FRMD4B: variants seen among roughly 807,000 people sequenced by gnomAD.
The protein encoded by FRMD4B is FERM domain-containing protein 4B.
In FRMD4B, 74 loss-of-function variants were observed where a neutral mutation model predicts 141.5. The ratio of observed to expected loss-of-function variants is 0.52; its 90% CI spans 0.43 to 0.63. The LOEUF is 0.63. Ranked by LOEUF, FRMD4B falls within the 30% of genes least tolerant of loss-of-function variation. The pLI, the probability that FRMD4B is intolerant of heterozygous loss-of-function variation, is 0.00. For synonymous variants in FRMD4B, 506 were observed against 467.9 expected, an observed-to-expected ratio of 1.08 and a Z score of -1.05; for missense variants, 1,366 against 1,253.4, an observed-to-expected ratio of 1.09 and a Z score of -1.36.
chr3:69,186,054 A>C lies in FRMD4B; in HGVS notation c.1919+1716T>G, dbSNP rs73114355. 2.1e-3 allele frequency among the ~76,000 whole-genome samples: 320 copies of C among 151,836 alleles called. 3 individuals carry two copies. The highest frequency in any genetic ancestry group is 7.0e-3 in the African/African-American group (292 of 41,428). On this transcript the variant is annotated intron_variant, in intron 19 of 22. Transcript: ENST00000398540. ...AAGACTCTGTCTCAAAAAAAAAAAA[A>C]AGTAAGTGCTCAATAGAAATGTTAT...
chr3:69,226,197 A>C (rs1350131571), intron 7 of FRMD4B, among the ~76,000 whole-genome samples: 1 of 152,204 alleles, frequency 6.6e-6, no homozygotes, highest in Non-Finnish European at 1.5e-5. Context: ...CAGGAAATAA[A>C]AAGTCACTTG....
chr3:69,213,981 T>C (rs75977521), intron 11 of FRMD4B, among the ~76,000 whole-genome samples: 3,397 of 152,088 alleles, frequency 0.022, 50 homozygotes, highest in Non-Finnish European at 0.032. Context: ...CTCGGCCTTA[T>C]CAATAATTTC....
chr3:69,209,427 G>T (rs1420899023), intron 11 of FRMD4B, among the ~76,000 whole-genome samples: 1 of 152,216 alleles, frequency 6.6e-6, no homozygotes, highest in African/African-American at 2.4e-5. Flanking sequence ...AAAGTATGGT[G>T]TGGAGGGGAA....
chr3:69,231,976 A>T (rs1430899441), intron 7 of FRMD4B, among the ~76,000 whole-genome samples: 2 of 152,162 alleles, frequency 1.3e-5, no homozygotes, highest in African/African-American at 2.4e-5. Context: ...CGGAGCTTGT[A>T]GGAGCAGCCA....
chr3:69,540,613 T>TAAAAAAAAAAA (rs1157655761), intron 1 of FRMD4B, among the ~76,000 whole-genome samples: 4 of 14,008 alleles, frequency 2.9e-4, no homozygotes, highest in African/African-American at 1.1e-3. Flanking sequence ...ACTCTGTCTC[T>TAAAAAAAAAAA]AAAAAAAAAA....
chr3:69,540,613 T>TA (rs1157655761), intron 1 of FRMD4B, among the ~76,000 whole-genome samples: 2,555 of 14,018 alleles, frequency 0.18, 655 homozygotes, highest in Middle Eastern at 0.25. Flanking sequence ...ACTCTGTCTC[T>TA]AAAAAAAAAA....
chr3:69,381,916 C>T (rs1704128728), intron 1 of FRMD4B, among the ~76,000 whole-genome samples: 2 of 152,194 alleles, frequency 1.3e-5, no homozygotes, highest in Admixed American at 1.3e-4. Context: ...AGAAATGGGT[C>T]CCTTCCCCTC....
chr3:69,538,052 T>C (rs1407798781), intron 1 of FRMD4B, among the ~76,000 whole-genome samples: 2 of 152,222 alleles, frequency 1.3e-5, no homozygotes, highest in Admixed American at 1.3e-4. Flanking sequence ...TTTTGAAACT[T>C]TTTGTTCAAC....
At chr3:69,512,391 A>T (rs1463388402) in intron 1 of FRMD4B, among the ~76,000 whole-genome samples, 6 of 152,244 alleles carry the variant, frequency 3.9e-5, no homozygotes, top group Admixed American at 3.3e-4. Flanking sequence ...TGGTAAAGCT[A>T]AAGTATTCAT....
chr3:69,412,738 T>G (rs1430037502), intron 2 of FRMD4B, among the ~76,000 whole-genome samples: 1 of 151,920 alleles, frequency 6.6e-6, no homozygotes, highest in Non-Finnish European at 1.5e-5. Flanking sequence ...GTTTTACCAT[T>G]GGAAAGGGTT....
chr3:69,481,632 C>T (rs749541338), intron 1 of FRMD4B, among the ~76,000 whole-genome samples: 2 of 152,150 alleles, frequency 1.3e-5, no homozygotes, highest in Non-Finnish European at 2.9e-5. Flanking sequence ...TTCTGCCTGT[C>T]AACTTCAATT....
intron 1 of FRMD4B, among the ~76,000 whole-genome samples, chr3:69,441,074 C>A (rs1395331823): frequency 6.6e-6 from 1 of 151,954 alleles, no homozygotes; most frequent in Non-Finnish European, 1.5e-5. Context: ...TTTTGAAACC[C>A]AAATCTGAAG....
chr3:69,391,282 G>A (rs969393779), intron 2 of FRMD4B, among the ~76,000 whole-genome samples: 3 of 150,694 alleles, frequency 2.0e-5, no homozygotes, highest in African/African-American at 2.4e-5. Flanking sequence ...AAGTTCTAGG[G>A]TACACGTGCA....
intron 1 of FRMD4B, among the ~76,000 whole-genome samples, chr3:69,492,928 T>C (rs1706324679): frequency 6.6e-6 from 1 of 152,216 alleles, no homozygotes; most frequent in Admixed American, 6.5e-5. Flanking sequence ...ATTTTATGTA[T>C]GAGTGTTTCA....
intron 5 of FRMD4B, among the ~76,000 whole-genome samples, chr3:69,283,429 C>A (rs948425122): frequency 1.4e-5 from 2 of 139,434 alleles, no homozygotes; most frequent in African/African-American, 5.4e-5. Flanking sequence ...GCAACAACAA[C>A]AAAAAAAAAA....
intron 6 of FRMD4B, among the ~76,000 whole-genome samples, chr3:69,249,704 C>T (rs540513956): frequency 6.6e-6 from 1 of 152,200 alleles, no homozygotes; most frequent in South Asian, 2.1e-4. Context: ...AAAATGTATA[C>T]AAAAGTTACT....
chr3:69,488,874 C>T (rs1165490995), intron 1 of FRMD4B, among the ~76,000 whole-genome samples: 1 of 116,298 alleles, frequency 8.6e-6, no homozygotes, highest in African/African-American at 3.4e-5. Context: ...GCCTGGGTGA[C>T]AGAGCGAGAC....
At chr3:69,512,207 G>T (rs1449087261) in intron 1 of FRMD4B, among the ~76,000 whole-genome samples, 1 of 152,122 alleles carries the variant, frequency 6.6e-6, no homozygotes, top group Non-Finnish European at 1.5e-5. Context: ...CACTGCACGG[G>T]GCTGGAGTTA....
At chr3:69,219,725 G>C (rs1302764607) in intron 9 of FRMD4B, among the ~76,000 whole-genome samples, 1 of 151,982 alleles carries the variant, frequency 6.6e-6, no homozygotes, top group Non-Finnish European at 1.5e-5. Context: ...CCATCACCTA[G>C]AGATTAGGGC....
Sources: gnomAD v4.1 joint callset for allele counts (sites outside exome capture counted in the v4.1 genomes callset) on GRCh38, gnomAD v4.1.1 for gene constraint, MANE v1.5 for transcripts, NCBI Gene and HGNC (gene_info 2026-07-23, HGNC 2026-07-21) for gene names.